ERBB4: variants seen among roughly 807,000 people sequenced by gnomAD.
ERBB4 encodes erb-b2 receptor tyrosine kinase 4, also known as receptor tyrosine-protein kinase erbB-4.
In ERBB4, 42 loss-of-function variants were observed where a neutral mutation model predicts 158.0. That is an observed-to-expected ratio of 0.27 (90% CI 0.21 to 0.34). The LOEUF (loss-of-function observed/expected upper bound fraction) is 0.34, where lower values mean the gene tolerates loss of function less well. Ranked by LOEUF, ERBB4 falls within the 10% of genes least tolerant of loss-of-function variation. The probability of loss-of-function intolerance (pLI) is 1.00; values close to 1 mark genes in which losing one functional copy is unlikely to be tolerated. For missense variants in ERBB4, 1,333 were observed against 1,624.1 expected, an observed-to-expected ratio of 0.82 and a Z score of 3.08; for synonymous variants, 583 against 558.7, an observed-to-expected ratio of 1.04 and a Z score of -0.61.
At chr2:211,540,434 G>C (rs1439988150) in intron 20 of ERBB4, among the ~76,000 whole-genome samples, 1 of 151,946 alleles carries the variant, frequency 6.6e-6, no homozygotes, top group Admixed American at 6.6e-5. Context: ...GCATCCAGGA[G>C]GGGGAACGAC....
At chr2:211,860,745 T>A (rs2077989546) in intron 3 of ERBB4, among the ~76,000 whole-genome samples, 1 of 151,132 alleles carries the variant, frequency 6.6e-6, no homozygotes, top group African/African-American at 2.4e-5. Flanking sequence ...CAATGTTTTA[T>A]TTAAATATTA....
chr2:212,161,192 G>A (rs2081193062), intron 1 of ERBB4, among the ~76,000 whole-genome samples: 1 of 151,814 alleles, frequency 6.6e-6, no homozygotes, highest in Non-Finnish European at 1.5e-5. Flanking sequence ...ATTGAGATCA[G>A]ATCAAAATAT....
intron 1 of ERBB4, among the ~76,000 whole-genome samples, chr2:212,516,107 ATTTT>A (rs1691825793): frequency 6.6e-6 from 1 of 151,958 alleles, no homozygotes; most frequent in Admixed American, 6.6e-5. Context: ...AAAGCATATC[ATTTT>A]GTAAGTAGTA....
At chr2:211,913,284 A>C (rs1311236311) in intron 3 of ERBB4, among the ~76,000 whole-genome samples, 1 of 152,118 alleles carries the variant, frequency 6.6e-6, no homozygotes, top group Non-Finnish European at 1.5e-5. Context: ...TTTGAGGACA[A>C]TTTGTACATG....
intron 3 of ERBB4, among the ~76,000 whole-genome samples, chr2:211,851,626 T>C (rs373463620): frequency 4.6e-5 from 7 of 151,926 alleles, no homozygotes; most frequent in African/African-American, 7.2e-5. Context: ...TTGTGCATCA[T>C]CAAAAAATAA....
intron 1 of ERBB4, among the ~76,000 whole-genome samples, chr2:212,244,542 T>C (rs986947756): frequency 6.6e-6 from 1 of 152,174 alleles, no homozygotes; most frequent in Non-Finnish European, 1.5e-5. Flanking sequence ...CTGTTTATAT[T>C]TTCGAGCACT....
chr2:211,450,540 C>T (rs932192240), intron 20 of ERBB4, among the ~76,000 whole-genome samples: 1 of 151,738 alleles, frequency 6.6e-6, no homozygotes, highest in Non-Finnish European at 1.5e-5. Flanking sequence ...GAGAAGTAAT[C>T]GATTTGAAAG....
chr2:211,624,573 C>T (rs553886478), intron 17 of ERBB4, among the ~76,000 whole-genome samples: 4 of 152,254 alleles, frequency 2.6e-5, no homozygotes, highest in Non-Finnish European at 5.9e-5. Context: ...GCCTAGGTAC[C>T]ATGGTGATCC....
intron 1 of ERBB4, among the ~76,000 whole-genome samples, chr2:212,493,765 T>C (rs1407371948): frequency 6.6e-6 from 1 of 151,828 alleles, no homozygotes; most frequent in Non-Finnish European, 1.5e-5. Flanking sequence ...AGCTTCTTTA[T>C]GTAATGTCTT....
chr2:211,404,613 T>C (rs773844142), intron 25 of ERBB4, among the ~76,000 whole-genome samples: 5 of 151,686 alleles, frequency 3.3e-5, no homozygotes, highest in African/African-American at 4.9e-5. Flanking sequence ...TTTTTAACTT[T>C]GTTAAAACAT....
intron 1 of ERBB4, among the ~76,000 whole-genome samples, chr2:212,435,036 T>A (rs2092107274): frequency 6.6e-6 from 1 of 152,054 alleles, no homozygotes; most frequent in Non-Finnish European, 1.5e-5. Flanking sequence ...AAATAATTTT[T>A]TAGGCATTCA....
intron 3 of ERBB4, among the ~76,000 whole-genome samples, chr2:211,898,396 T>C (rs970510782): frequency 3.9e-5 from 6 of 152,166 alleles, no homozygotes; most frequent in South Asian, 4.1e-4. Flanking sequence ...AATTAGGAAG[T>C]TACCTGGAGT....
chr2:212,518,778 T>G (rs1691982120), intron 1 of ERBB4, among the ~76,000 whole-genome samples: 1 of 152,038 alleles, frequency 6.6e-6, no homozygotes, highest in African/African-American at 2.4e-5. Flanking sequence ...GTTGAGATAA[T>G]ATCTGCTAAC....
chr2:211,646,487 C>T (rs967349286), intron 16 of ERBB4, among the ~76,000 whole-genome samples: 2 of 151,462 alleles, frequency 1.3e-5, no homozygotes, highest in African/African-American at 2.4e-5. Flanking sequence ...TACATAAGTA[C>T]ATTCAGAAGC....
chr2:211,617,004 C>T (rs562588495), intron 19 of ERBB4, among the ~76,000 whole-genome samples: 31 of 152,158 alleles, frequency 2.0e-4, no homozygotes, highest in African/African-American at 6.7e-4. Context: ...GCTGCCATCT[C>T]CACTCTTGTT....
At chr2:212,517,107 T>A (rs1277583675) in intron 1 of ERBB4, among the ~76,000 whole-genome samples, 1 of 152,112 alleles carries the variant, frequency 6.6e-6, no homozygotes, top group East Asian at 1.9e-4. Context: ...AATTCGAAAT[T>A]AACAAACATT....
chr2:212,314,154 A>C (rs547762624), intron 1 of ERBB4, among the ~76,000 whole-genome samples: 1 of 151,352 alleles, frequency 6.6e-6, no homozygotes, highest in South Asian at 2.1e-4. Flanking sequence ...CATGTTATTA[A>C]ATTATTTTCA....
intron 1 of ERBB4, among the ~76,000 whole-genome samples, chr2:212,332,596 A>G (rs35613149): frequency 0.089 from 13,598 of 152,030 alleles, 661 homozygotes; most frequent in South Asian, 0.11. Flanking sequence ...TGCTGTCATT[A>G]TTATTTTATT....
chr2:212,455,313 T>G (rs1301320079), intron 1 of ERBB4, among the ~76,000 whole-genome samples: 6 of 152,180 alleles, frequency 3.9e-5, no homozygotes, highest in Non-Finnish European at 8.8e-5. Flanking sequence ...TTCTTTCCAT[T>G]CTCTCATTAG....
Sources: gnomAD v4.1 joint callset for allele counts (sites outside exome capture counted in the v4.1 genomes callset) on GRCh38, gnomAD v4.1.1 for gene constraint, MANE v1.5 for transcripts, NCBI Gene and HGNC (gene_info 2026-07-23, HGNC 2026-07-21) for gene names.